The following PCDH9 variants were observed in gnomAD, a reference collection of about 807,000 sequenced individuals.
PCDH9 encodes protocadherin 9.
PCDH9 carries 24 observed loss-of-function variants against 70.6 expected under a neutral mutation model. The observed-to-expected ratio is 0.34, with a 90% CI of 0.25 to 0.48. The LOEUF is 0.48. Ranked by LOEUF, PCDH9 falls within the 20% of genes least tolerant of loss-of-function variation. PCDH9 has a pLI of 0.99. For synonymous variants in PCDH9, 562 were observed against 558.5 expected, an observed-to-expected ratio of 1.01 and a Z score of -0.09; for missense variants, 1,281 against 1,503.6, an observed-to-expected ratio of 0.85 and a Z score of 2.45.
intron 4 of PCDH9, among the ~76,000 whole-genome samples, chr13:66,540,316 C>T (rs1220190848): frequency 6.6e-6 from 1 of 152,066 alleles, no homozygotes; most frequent in East Asian, 1.9e-4. Context: ...ATTGTAGGCT[C>T]ATATAAATAT....
intron 2 of PCDH9, among the ~76,000 whole-genome samples, chr13:67,075,333 T>TA (rs1021525625): frequency 6.0e-5 from 9 of 151,208 alleles, no homozygotes; most frequent in Admixed American, 2.0e-4. Context: ...AAGGAAAAAA[T>TA]AAAAAAAAGG....
At chr13:66,631,887 TTTTGTTTGTTTG>T (rs528829293) in intron 3 of PCDH9, among the ~76,000 whole-genome samples, 1 of 151,996 alleles carries the variant, frequency 6.6e-6, no homozygotes, top group Admixed American at 6.6e-5. Flanking sequence ...ACCACCTCCT[TTTTGTTTGTTTG>T]TTTGTTTGTT....
chr13:66,419,761 G>T (rs903594724), intron 4 of PCDH9, among the ~76,000 whole-genome samples: 1 of 138,078 alleles, frequency 7.2e-6, no homozygotes, highest in Non-Finnish European at 1.6e-5. Flanking sequence ...CTAGCTGCAG[G>T]AGTTTTTTTT....
intron 3 of PCDH9, among the ~76,000 whole-genome samples, chr13:66,819,530 C>T (rs1413389179): frequency 6.6e-6 from 1 of 152,084 alleles, no homozygotes; most frequent in Non-Finnish European, 1.5e-5. Flanking sequence ...GACGACACTT[C>T]TCATTGGACT....
chr13:67,130,566 A>G (rs746285759), intron 2 of PCDH9, among the ~76,000 whole-genome samples: 1 of 152,176 alleles, frequency 6.6e-6, no homozygotes. Flanking sequence ...CCACCTGACC[A>G]CAGGGTGGAC....
intron 4 of PCDH9, among the ~76,000 whole-genome samples, chr13:66,365,504 A>G (rs570807407): frequency 2.0e-5 from 3 of 152,338 alleles, no homozygotes; most frequent in Non-Finnish European, 2.9e-5. Context: ...ACAGAAGCAC[A>G]TCTCATCAGA....
At chr13:66,478,252 A>G (rs756957975) in intron 4 of PCDH9, among the ~76,000 whole-genome samples, 1 of 152,164 alleles carries the variant, frequency 6.6e-6, no homozygotes, top group Non-Finnish European at 1.5e-5. Context: ...TGCTCCACCA[A>G]CTAGCCATTC....
At chr13:66,305,706 C>T (rs1171528827) in intron 4 of PCDH9, among the ~76,000 whole-genome samples, 1 of 151,992 alleles carries the variant, frequency 6.6e-6, no homozygotes, top group East Asian at 1.9e-4. Context: ...AAAGAAGAAG[C>T]CATTTGAATC....
At chr13:66,855,334 T>C (rs1000451266) in intron 3 of PCDH9, among the ~76,000 whole-genome samples, 6 of 152,106 alleles carry the variant, frequency 3.9e-5, no homozygotes, top group African/African-American at 1.4e-4. Context: ...ACAACTAGTA[T>C]TTCAGAAATG....
chr13:66,468,642 T>C (rs1331100626), intron 4 of PCDH9, among the ~76,000 whole-genome samples: 2 of 152,186 alleles, frequency 1.3e-5, no homozygotes, highest in Non-Finnish European at 2.9e-5. Context: ...TTTTGACTAG[T>C]ATCCTAGTTT....
intron 4 of PCDH9, among the ~76,000 whole-genome samples, chr13:66,454,945 T>C (rs17081317): frequency 0.067 from 10,171 of 152,192 alleles, 822 homozygotes; most frequent in African/African-American, 0.19. Context: ...ATGGGGGAAT[T>C]CATTTTAAAA....
intron 2 of PCDH9, among the ~76,000 whole-genome samples, chr13:67,081,932 C>A (rs1451653223): frequency 6.6e-6 from 1 of 151,962 alleles, no homozygotes; most frequent in Non-Finnish European, 1.5e-5. Flanking sequence ...TTTATTGGGG[C>A]CTGATTGGCA....
chr13:67,173,766 C>T (rs1390177824), intron 2 of PCDH9, among the ~76,000 whole-genome samples: 1 of 152,096 alleles, frequency 6.6e-6, no homozygotes, highest in Non-Finnish European at 1.5e-5. Flanking sequence ...TGTTTTATGC[C>T]TCCAGCTAAA....
chr13:66,606,772 C>A (rs1204987543), intron 4 of PCDH9, among the ~76,000 whole-genome samples: 1 of 151,744 alleles, frequency 6.6e-6, no homozygotes, highest in Admixed American at 6.6e-5. Flanking sequence ...TTCAGGTAGT[C>A]CTCCTAGATT....
At chr13:67,144,236 A>G (rs903698047) in intron 2 of PCDH9, among the ~76,000 whole-genome samples, 1 of 152,178 alleles carries the variant, frequency 6.6e-6, no homozygotes, top group African/African-American at 2.4e-5. Context: ...TTGCCAGGGA[A>G]TAATTTAAGG....
chr13:66,844,600 G>T (rs917657835), intron 3 of PCDH9, among the ~76,000 whole-genome samples: 1 of 139,000 alleles, frequency 7.2e-6, no homozygotes, highest in African/African-American at 2.6e-5. Flanking sequence ...AAAAAAAAAA[G>T]TCCCTAAAAT....
At chr13:67,187,388 A>G (rs2088785779) in intron 2 of PCDH9, among the ~76,000 whole-genome samples, 1 of 152,148 alleles carries the variant, frequency 6.6e-6, no homozygotes, top group African/African-American at 2.4e-5. Context: ...AATGGATTTG[A>G]TTTATATAGT....
chr13:67,098,720 G>T (rs146610432), intron 2 of PCDH9, among the ~76,000 whole-genome samples: 3 of 150,998 alleles, frequency 2.0e-5, no homozygotes, highest in African/African-American at 7.3e-5. Context: ...TACAAATAAA[G>T]AATAATGCAA....
chr13:66,538,191 G>A (rs1211660529), intron 4 of PCDH9, among the ~76,000 whole-genome samples: 1 of 151,956 alleles, frequency 6.6e-6, no homozygotes, highest in Non-Finnish European at 1.5e-5. Context: ...TATTATTCAT[G>A]GAGACAGAAA....
Sources: allele counts gnomAD v4.1 joint callset (sites outside exome capture counted in the v4.1 genomes callset), GRCh38; gene constraint gnomAD v4.1.1; transcripts MANE v1.5; gene names NCBI Gene and HGNC (gene_info 2026-07-23, HGNC 2026-07-21).